TNNI3K: variants seen among roughly 807,000 people sequenced by gnomAD.
TNNI3K encodes the protein serine/threonine-protein kinase TNNI3K.
A neutral mutation model predicts 114.5 loss-of-function variants in TNNI3K; 140 were observed. The observed-to-expected ratio is 1.22, with a 90% confidence interval of 1.07 to 1.41. TNNI3K has a LOEUF of 1.41. Among genes scored for constraint, TNNI3K ranks in the 40% most tolerant of loss-of-function variants. The pLI is 0.00. For synonymous variants in TNNI3K, 347 were observed against 347.5 expected (o/e 1.00, Z 0.02); for missense variants, 1,125 against 1,007.6 (o/e 1.12, Z -1.58).
chr1:74,333,739 T>C (rs1357383308), intron 6 of TNNI3K, among the ~76,000 whole-genome samples: 1 of 152,246 alleles, frequency 6.6e-6, no homozygotes, highest in Non-Finnish European at 1.5e-5. Context: ...TTTGTTTATT[T>C]ACTTATTTTT....
chr1:74,305,352 CAGGATCAATACCCATGA>C (rs1658560030), intron 5 of TNNI3K, among the ~76,000 whole-genome samples: 1 of 152,132 alleles, frequency 6.6e-6, no homozygotes, highest in Non-Finnish European at 1.5e-5. Flanking sequence ...AACATGCTTT[CAGGATCAATACCCATGA>C]AGAAAAATAA....
At chr1:74,428,803 T>C (rs1345008996) in intron 17 of TNNI3K, among the ~76,000 whole-genome samples, 1 of 152,014 alleles carries the variant, frequency 6.6e-6, no homozygotes, top group Non-Finnish European at 1.5e-5. Flanking sequence ...AACATGGTGG[T>C]GTGTGCCTGT....
intron 5 of TNNI3K, among the ~76,000 whole-genome samples, chr1:74,313,748 C>T (rs1659127172): frequency 6.6e-6 from 1 of 151,960 alleles, no homozygotes; most frequent in Non-Finnish European, 1.5e-5. Context: ...AAAAGCTATT[C>T]TCTGTACTCT....
chr1:74,294,982 T>G (rs1375605593), intron 5 of TNNI3K, among the ~76,000 whole-genome samples: 1 of 151,548 alleles, frequency 6.6e-6, no homozygotes, highest in Non-Finnish European at 1.5e-5. Context: ...TTTATTTTCA[T>G]CCTTTTTTTA....
chr1:74,257,523 G>GT (rs1274645384), intron 4 of TNNI3K, among the ~76,000 whole-genome samples: 4 of 151,514 alleles, frequency 2.6e-5, no homozygotes, highest in Non-Finnish European at 5.9e-5. Flanking sequence ...AGAATGTTGA[G>GT]TTTTTTTTAT....
At chr1:74,330,425 A>T (rs927507141) in intron 5 of TNNI3K, among the ~76,000 whole-genome samples, 1 of 152,116 alleles carries the variant, frequency 6.6e-6, no homozygotes, top group African/African-American at 2.4e-5. Flanking sequence ...TTTATTTTCC[A>T]TTAGTTTCCT....
intron 5 of TNNI3K, among the ~76,000 whole-genome samples, chr1:74,292,341 T>C (rs916806772): frequency 2.6e-5 from 4 of 151,650 alleles, no homozygotes; most frequent in Non-Finnish European, 5.9e-5. Context: ...TAGCCTTTTT[T>C]TTCTAACAGC....
intron 5 of TNNI3K, among the ~76,000 whole-genome samples, chr1:74,294,835 C>A (rs1352602432): frequency 6.6e-6 from 1 of 151,664 alleles, no homozygotes; most frequent in African/African-American, 2.4e-5. Flanking sequence ...GTTTAAAAAC[C>A]TTTTGTGCTT....
intron 9 of TNNI3K, among the ~76,000 whole-genome samples, chr1:74,345,691 A>G (rs1660966708): frequency 6.6e-6 from 1 of 152,160 alleles, no homozygotes; most frequent in Admixed American, 6.6e-5. Flanking sequence ...CAGTTATTAC[A>G]TACCTCATAT....
In TNNI3K at chr1:74,291,072, G is replaced by A. The variant is rs1657649271; in HGVS notation, c.444+19364G>A. Among the ~76,000 whole-genome samples, 3 of 151,584 alleles carry A rather than the reference G, an allele frequency of 2.0e-5. No individual in the cohort carries two copies. In the South Asian group the frequency reaches 6.2e-4, roughly 31 times the overall value. On this transcript the variant is annotated intron_variant, in intron 5 of 24. Coordinates refer to ENST00000326637, the MANE Select transcript of TNNI3K (RefSeq NM_015978.3). The stretch of plus-strand genomic sequence containing the variant: ...GTGGATATGCATGCAACGACCACCA[G>A]TTTAAGAAGTAATTTCTAGTTCCCC...
chr1:74,516,942 C>A (rs1341615765), intron 23 of TNNI3K, among the ~76,000 whole-genome samples: 1 of 152,186 alleles, frequency 6.6e-6, no homozygotes, highest in East Asian at 1.9e-4. Context: ...AGCAACCTCT[C>A]TACAGAAGTC....
intron 4 of TNNI3K, among the ~76,000 whole-genome samples, chr1:74,258,413 G>A (rs192057837): frequency 1.1e-4 from 17 of 152,268 alleles, no homozygotes; most frequent in Admixed American, 8.5e-4. Context: ...GAAAACCATG[G>A]CAATCATGGG....
intron 17 of TNNI3K, among the ~76,000 whole-genome samples, chr1:74,406,928 C>T (rs145621026): frequency 6.6e-6 from 1 of 152,296 alleles, no homozygotes; most frequent in African/African-American, 2.4e-5. Flanking sequence ...GTGCTCTTTG[C>T]CTCGTTTCTT....
At chr1:74,319,058 T>C (rs1484464150) in intron 5 of TNNI3K, among the ~76,000 whole-genome samples, 1 of 152,216 alleles carries the variant, frequency 6.6e-6, no homozygotes, top group East Asian at 1.9e-4. Context: ...AGGTCAAGAA[T>C]CTTGGAATGG....
intron 17 of TNNI3K, among the ~76,000 whole-genome samples, chr1:74,401,148 A>G (rs920744401): frequency 1.3e-5 from 2 of 152,340 alleles, no homozygotes; most frequent in Non-Finnish European, 2.9e-5. Flanking sequence ...CTCTATACCT[A>G]TAGAAAAGCT....
intron 5 of TNNI3K, among the ~76,000 whole-genome samples, chr1:74,315,245 A>G (rs948056752): frequency 6.6e-6 from 1 of 152,176 alleles, no homozygotes; most frequent in African/African-American, 2.4e-5. Context: ...AGTGACCAGA[A>G]ACAGTGAAGA....
At chr1:74,256,420 C>T (rs1446412269) in intron 4 of TNNI3K, among the ~76,000 whole-genome samples, 2 of 149,098 alleles carry the variant, frequency 1.3e-5, no homozygotes, top group East Asian at 4.0e-4. Flanking sequence ...ATTAGGCATC[C>T]TTTATTTTTT....
At chr1:74,451,657 T>TTTTTCTTTCC (rs1667005534) in intron 20 of TNNI3K, among the ~76,000 whole-genome samples, 1 of 53,090 alleles carries the variant, frequency 1.9e-5, no homozygotes, top group Non-Finnish European at 4.1e-5. Context: ...TTTCCTTTCT[T>TTTTTCTTTCC]TTTTCTTTTC....
At chr1:74,500,810 T>C (rs1669586841) in intron 23 of TNNI3K, among the ~76,000 whole-genome samples, 2 of 151,962 alleles carry the variant, frequency 1.3e-5, no homozygotes, top group Admixed American at 6.5e-5. Flanking sequence ...TGTTTTACTT[T>C]CTTTGTTGCT....
Sources: allele counts gnomAD v4.1 joint callset (sites outside exome capture counted in the v4.1 genomes callset), GRCh38; gene constraint gnomAD v4.1.1; transcripts MANE v1.5; gene names NCBI Gene and HGNC (gene_info 2026-07-23, HGNC 2026-07-21).